Variants in CTBP2 observed in about 807,000 individuals in gnomAD.
CTBP2 encodes the protein C-terminal-binding protein 2.
In CTBP2, 30 loss-of-function variants were observed where a neutral mutation model predicts 80.3. The ratio of observed to expected loss-of-function variants is 0.37; its 90% CI spans 0.28 to 0.51. The LOEUF is 0.51. Among genes scored for constraint, CTBP2 ranks in the 20% least tolerant of loss-of-function variants. CTBP2 has a pLI of 0.93. For missense variants in CTBP2, 1,212 were observed against 1,375.3 expected, an observed-to-expected ratio of 0.88 and a Z score of 1.88; for synonymous variants, 594 against 587.4, an observed-to-expected ratio of 1.01 and a Z score of -0.16.
chr10:125,007,335 G>A (rs1388640378), intron 1 of CTBP2, among the ~76,000 whole-genome samples: 1 of 152,278 alleles, frequency 6.6e-6, no homozygotes, highest in Non-Finnish European at 1.5e-5. Flanking sequence ...CCAGCTCAAG[G>A]CAGTGCTGAC....
chr10:125,148,293 G>T lies in CTBP2; in HGVS notation c.-206+12026C>A, dbSNP rs778814234. Among the ~76,000 whole-genome samples the T allele has an allele frequency of 3.9e-5, 6 of 152,078 alleles. No individual in the cohort carries two copies. In the South Asian group the frequency reaches 1.2e-3, roughly 32 times the overall value. On this transcript the variant is annotated intron_variant, in intron 1 of 10. Coordinates refer to the CTBP2 transcript ENST00000337195. ...GCCGGGGCCCCTAGAGCAAAACTTT[G>T]GATCTGAGCCAGGACCCTGACATGC...
chr10:125,046,173 A>C (rs1961185985), intron 2 of CTBP2, among the ~76,000 whole-genome samples: 1 of 152,218 alleles, frequency 6.6e-6, no homozygotes, highest in African/African-American at 2.4e-5. Context: ...CTGCATTAAG[A>C]AAGAATATAA....
chr10:125,026,242 G>GT lies in CTBP2; in HGVS notation c.1517dup (p.His506GlnfsTer96), dbSNP rs950183467. Reference sequence around the variant, plus strand: ...GCTTCCGCAAGACCTGGGGGCTGCCGTGAGGGCTGGGCAGCGGAGAGGCGG... The same window carrying GT: ...GCTTCCGCAAGACCTGGGGGCTGCCGTTGAGGGCTGGGCAGCGGAGAGGCGG... On this transcript the variant is annotated frameshift_variant, in exon 1 of 9. Transcript: ENST00000309035. LOFTEE classifies it high-confidence loss of function. The GT allele has an allele frequency of 1.9e-6, 3 of 1,613,836 alleles. No homozygotes were observed. Among genetic ancestry groups the GT allele is most frequent in the Admixed American group, 1.7e-5 (1 of 60,020 alleles).
At chr10:124,993,587 T>C (rs200242832) in intron 6 of CTBP2, among the ~76,000 whole-genome samples, 1 of 152,218 alleles carries the variant, frequency 6.6e-6, no homozygotes, top group East Asian at 1.9e-4. Context: ...AGGGCAGAGA[T>C]GATGCCTGTC....
In CTBP2 at chr10:125,083,920, G is replaced by C. The variant is rs1328046924; in HGVS notation, c.-102+27070C>G. ...TCAGCTTCCCGAGTAGCTGGGATTA[G>C]AGGCATGCGCCACCACGCCCAGCTG... is the stretch of plus-strand genomic sequence containing the variant. On this transcript the variant is annotated intron_variant, in intron 2 of 10. Transcript: ENST00000337195. 3.3e-5 allele frequency among the ~76,000 whole-genome samples: 5 copies of C among 152,160 alleles called. No individual in the cohort carries two copies. The East Asian group carries it at 9.7e-4, about 29-fold the overall frequency.
chr10:125,038,982 CA>C lies in CTBP2; in HGVS notation c.58+14del. The C allele has an allele frequency of 4.3e-6, 7 of 1,612,546 alleles. No homozygotes were observed. The highest frequency in any genetic ancestry group is 5.9e-6 in the Non-Finnish European group (7 of 1,179,306). On this transcript the variant is annotated intron_variant, in intron 3 of 10. Coordinates refer to the CTBP2 transcript ENST00000337195. ...ACTACGTATGTTTGGTAAAAACCGC[CA>C]AACACGCTCTTACCTTCACAAATTC...
At chr10:125,053,179 G>A (rs1963175375) in intron 2 of CTBP2, among the ~76,000 whole-genome samples, 1 of 152,180 alleles carries the variant, frequency 6.6e-6, no homozygotes, top group Non-Finnish European at 1.5e-5. Flanking sequence ...CTGCCCCTCA[G>A]GGCAGGTGCA....
At chr10:125,149,968 G>A (rs566309724) in intron 1 of CTBP2, among the ~76,000 whole-genome samples, 45 of 152,348 alleles carry the variant, frequency 3.0e-4, no homozygotes, top group Admixed American at 9.2e-4. Flanking sequence ...ACGGATGCAG[G>A]GGAGCGACCC....
chr10:125,078,279 CAAAAAAAAAA>C (rs1214515506), intron 2 of CTBP2, among the ~76,000 whole-genome samples: 1 of 80,144 alleles, frequency 1.2e-5, no homozygotes, highest in Non-Finnish European at 2.6e-5. Context: ...GACTCCGTCT[CAAAAAAAAAA>C]AAAAAAAAAA....
intron 1 of CTBP2, among the ~76,000 whole-genome samples, chr10:125,154,618 C>A (rs1437846261): frequency 6.6e-6 from 1 of 150,418 alleles, no homozygotes; most frequent in African/African-American, 2.5e-5. Context: ...TATACACATG[C>A]AAACTACAAC....
At chr10:125,052,649 G>GT (rs1963048176) in intron 2 of CTBP2, among the ~76,000 whole-genome samples, 1 of 152,182 alleles carries the variant, frequency 6.6e-6, no homozygotes, top group Non-Finnish European at 1.5e-5. Flanking sequence ...CGCCCTTGGG[G>GT]TCCAGCAGCA....
chr10:125,091,940 C>T (rs1023789489), intron 2 of CTBP2, among the ~76,000 whole-genome samples: 31 of 152,090 alleles, frequency 2.0e-4, no homozygotes, highest in Non-Finnish European at 2.5e-4. Flanking sequence ...CATAAATGTT[C>T]AACATTTGAT....
At chr10:125,103,262 C>G (rs1850922672) in intron 2 of CTBP2, among the ~76,000 whole-genome samples, 9 of 152,168 alleles carry the variant, frequency 5.9e-5, no homozygotes, top group Admixed American at 4.6e-4. Flanking sequence ...CCCCCTGGCC[C>G]CACTGCAGCC....
intron 2 of CTBP2, among the ~76,000 whole-genome samples, chr10:125,073,015 C>T (rs1308012155): frequency 1.3e-5 from 2 of 152,192 alleles, no homozygotes; most frequent in Non-Finnish European, 2.9e-5. Context: ...GCTGAGATCC[C>T]ACCTCCAGAG....
rs77226456 is a variant in CTBP2 at position 125,071,926 on chromosome 10, C to G, written c.-101-32771G>C. ...GGGAATGGGCCGGAACAGTCAGCTG[C>G]CCGCAGGGTACTTGGTGGAAGACAA... On this transcript the variant is annotated intron_variant, in intron 2 of 10. Coordinates refer to the CTBP2 transcript ENST00000337195. Among the ~76,000 whole-genome samples the G allele has an allele frequency of 4.9e-3, 751 of 152,176 alleles. 7 individuals carry two copies. Among genetic ancestry groups the G allele is most frequent in the African/African-American group, 0.017 (691 of 41,512 alleles).
upstream of CTBP2, among the ~76,000 whole-genome samples, chr10:125,161,358 C>G (rs1228863822): frequency 6.6e-6 from 1 of 152,024 alleles, no homozygotes; most frequent in Non-Finnish European, 1.5e-5. Context: ...CCTGGCCCTT[C>G]ATCCTCCTCC....
At chr10:125,042,813 A>G (rs946331590) in intron 2 of CTBP2, among the ~76,000 whole-genome samples, 2 of 152,188 alleles carry the variant, frequency 1.3e-5, no homozygotes, top group Admixed American at 1.3e-4. Flanking sequence ...TGGGAGGTAA[A>G]CCTCAGTGAA....
At chr10:125,094,125 A>G (rs1052159846) in intron 2 of CTBP2, among the ~76,000 whole-genome samples, 2 of 152,188 alleles carry the variant, frequency 1.3e-5, no homozygotes, top group African/African-American at 4.8e-5. Flanking sequence ...GTTTCAATTA[A>G]AAGTTAAAGA....
chr10:124,994,591 A>G lies in CTBP2; in HGVS notation c.2278T>C (p.Ser760Pro), dbSNP rs1337725523. The stretch of plus-strand genomic sequence containing the variant: ...GTGTAGACCCTCTGCACGCCCAGGG[A>G]CCGCTCGATCCCATCCTGCAAGTAG... The change falls in exon 5 of 9, where the codon TCC (serine) becomes CCC (proline). Residue 760 changes from serine (S) to proline (P), a missense_variant. By Grantham distance (74) the Ser-to-Pro change is moderately conservative. Coordinates refer to ENST00000309035, the MANE Select transcript of CTBP2 (RefSeq NM_022802.3). 1.2e-6 allele frequency: 2 copies of G among 1,613,906 alleles called. No homozygotes were observed. Among genetic ancestry groups the G allele is most frequent in the African/African-American group, 1.3e-5 (1 of 74,914 alleles).
Sources: gnomAD v4.1 joint callset for allele counts (sites outside exome capture counted in the v4.1 genomes callset) on GRCh38, gnomAD v4.1.1 for gene constraint, MANE v1.5 for transcripts, NCBI Gene and HGNC (gene_info 2026-07-23, HGNC 2026-07-21) for gene names.